The following ACTN4 variants were observed in gnomAD, a reference collection of about 807,000 sequenced individuals.
ACTN4 encodes the protein actinin alpha 4.
A neutral mutation model predicts 114.2 loss-of-function variants in ACTN4; 18 were observed. That is an observed-to-expected ratio of 0.16 (90% CI 0.11 to 0.23). The LOEUF is 0.23. Ranked by LOEUF, ACTN4 falls within the 10% of genes least tolerant of loss-of-function variation. The pLI, the probability that ACTN4 is intolerant of heterozygous loss-of-function variation, is 1.00. For synonymous variants in ACTN4, 515 were observed against 506.3 expected (o/e 1.02, Z -0.23); for missense variants, 722 against 1,262.9 (o/e 0.57, Z 6.49).
Position 38,727,248 on chromosome 19 carries a change from T to G in ACTN4, c.2337+145T>G. The G allele has an allele frequency of 1.5e-6, 2 of 1,303,270 alleles. No homozygotes were observed. The highest frequency in any genetic ancestry group is 1.5e-5 in the African/African-American group (1 of 68,544). The allele number at this position is 1,303,270 out of a possible 1,614,324, so 80.7% of individuals were successfully genotyped here. A position where few individuals can be genotyped will look rare whatever the true frequency, so the allele number is the denominator to read the frequency against. On this transcript the variant is annotated intron_variant, in intron 18 of 20. Coordinates refer to ENST00000252699, the MANE Select transcript of ACTN4 (RefSeq NM_004924.6). This position sits in a 1 kb window ranked among gnomAD's most constrained non-coding sequence, Gnocchi z 5.4. ...CCCAGGGCCAGCAGGGCCCTGCCAC[T>G]GTCAGGGTGTAGGTGTGCGGCACCA...
chr19:38,666,228 C>CG (rs1267456726), intron 1 of ACTN4, among the ~76,000 whole-genome samples: 3 of 151,976 alleles, frequency 2.0e-5, no homozygotes, highest in Non-Finnish European at 2.9e-5. Flanking sequence ...CCCTGTCCCC[C>CG]CCAAAAGCAA....
rs530746941 is a variant in ACTN4, at chr19:38,710,136, G to T, written c.734-121G>T. 89 of 1,001,842 alleles carry T rather than the reference G, an allele frequency of 8.9e-5. 1 individual carries two copies. In the South Asian group the frequency reaches 1.1e-3, roughly 13 times the overall value. 62.1% of individuals were successfully genotyped at this position (1,001,842 alleles called of 1,614,324 possible). On this transcript the variant is annotated intron_variant, in intron 7 of 20. Transcript: ENST00000252699. ...GTGTGGCTGAGCCCACCCAAGTCAC[G>T]CGTCACTCTGCAGGTCCCTCTCCCC...
rs370343728 is a variant in ACTN4 at position 38,723,963 on chromosome 19, C to G, written c.1578C>G (p.Ile526Met). 1 of 1,613,396 alleles carries G rather than the reference C, an allele frequency of 6.2e-7. No individual in the cohort carries two copies. Among genetic ancestry groups the G allele is most frequent in the South Asian group, 1.1e-5 (1 of 91,074 alleles). ...LEKTEKQLEA[I>M]DQLHLEYAKR... The stretch of plus-strand genomic sequence containing the variant: ...AAACAGAGAAGCAGCTGGAGGCCAT[C>G]GACCAGCTGCACCTGGAATACGCCA... The change falls in exon 14 of 21, where the codon ATC becomes ATG. Residue 526 changes from isoleucine to methionine, a missense_variant. Physicochemically the swap from Ile to Met is conservative, Grantham distance 10. Around this residue, in one of 3 missense-constraint regions of ACTN4, gnomAD observed 523 missense variants for 875.9 expected, o/e 0.60. Transcript: ENST00000252699.
chr19:38,702,010 G>A (rs1035770589), intron 3 of ACTN4, among the ~76,000 whole-genome samples: 3 of 152,220 alleles, frequency 2.0e-5, no homozygotes, highest in African/African-American at 7.2e-5. Context: ...AGCCTTGCAT[G>A]CCACAGTCGA....
Position 38,729,297 on chromosome 19 carries a change from G to T in ACTN4, c.2601G>T (p.Leu867=). 1 of 1,612,870 alleles carries T rather than the reference G, an allele frequency of 6.2e-7. No homozygotes were observed. Among genetic ancestry groups the T allele is most frequent in the Non-Finnish European group, 8.5e-7 (1 of 1,179,982 alleles). ...AGAACTTCATCACAGCTGAGGAGCTGCGGAGAGAGCTGCCCCCCGACCAGG... is the reference window on the plus strand; with the variant it reads ...AGAACTTCATCACAGCTGAGGAGCTTCGGAGAGAGCTGCCCCCCGACCAGG... ...GDKNFITAEE[L]RRELPPDQAE... Residue 867 remains leucine, a synonymous_variant, in exon 21 of 21, where the codon CTG becomes CTT. Coordinates refer to ENST00000252699, the MANE Select transcript of ACTN4 (RefSeq NM_004924.6).
intron 1 of ACTN4, among the ~76,000 whole-genome samples, chr19:38,665,027 G>A (rs1412537165): frequency 6.6e-6 from 1 of 152,162 alleles, no homozygotes; most frequent in Non-Finnish European, 1.5e-5. Flanking sequence ...CACCAAGATA[G>A]GAGGCAGCTC....
intron 1 of ACTN4, among the ~76,000 whole-genome samples, chr19:38,656,039 C>T (rs1976702300): frequency 6.6e-6 from 1 of 152,168 alleles, no homozygotes; most frequent in South Asian, 2.1e-4. Flanking sequence ...CCCATGGATA[C>T]AGAGGGCTAG....
intron 1 of ACTN4, among the ~76,000 whole-genome samples, chr19:38,661,567 TGA>T (rs1301270236): frequency 6.6e-6 from 1 of 152,254 alleles, no homozygotes; most frequent in African/African-American, 2.4e-5. Context: ...TGTAAAATGT[TGA>T]GTCTCCTTCT....
At position 38,722,155 on chromosome 19, in the gene ACTN4, G is replaced by A. The variant is rs544514741; in HGVS notation, c.1442+467G>A. Among the ~76,000 whole-genome samples, 346 of 152,224 alleles carry A rather than the reference G, an allele frequency of 2.3e-3. 1 individual carries two copies. The highest frequency in any genetic ancestry group is 8.1e-3 in the African/African-American group (338 of 41,530). On this transcript the variant is annotated intron_variant, in intron 12 of 20. Coordinates refer to ENST00000252699, the MANE Select transcript of ACTN4 (RefSeq NM_004924.6). ...TTATTGTAAGAGCTTCCAGGCAGCCGGGCTCCTTCCCCTCCCCACCCAGTC... is the reference window on the plus strand; with the variant it reads ...TTATTGTAAGAGCTTCCAGGCAGCCAGGCTCCTTCCCCTCCCCACCCAGTC...
At chr19:38,668,910 C>T (rs1167998760) in intron 1 of ACTN4, among the ~76,000 whole-genome samples, 2 of 152,070 alleles carry the variant, frequency 1.3e-5, no homozygotes, top group Admixed American at 1.3e-4. Flanking sequence ...TATAAATCGA[C>T]CTCCAGGAGA....
At chr19:38,691,294 G>A (rs939828499) in intron 1 of ACTN4, among the ~76,000 whole-genome samples, 11 of 151,756 alleles carry the variant, frequency 7.2e-5, no homozygotes, top group Admixed American at 3.3e-4. Context: ...CCAGCTACTC[G>A]GGAGGCTGAG....
At chr19:38,725,681 A>G in intron 16 of ACTN4, 43 bp from the exon 17 acceptor site, 1 of 1,601,858 alleles carries the variant, frequency 6.2e-7, no homozygotes, top group Non-Finnish European at 8.5e-7. Context: ...CAGTGGGGGC[A>G]GGCCCACCAG....
chr19:38,705,109 C>T, intron 4 of ACTN4, 89 bp downstream of exon 4: 1 of 1,265,738 alleles, frequency 7.9e-7, no homozygotes, highest in Non-Finnish European at 1.2e-6. Context: ...CTTCAAGCCT[C>T]TTCCTGTTTC....
chr19:38,683,304 C>A (rs1568700512), intron 1 of ACTN4, among the ~76,000 whole-genome samples: 1 of 152,176 alleles, frequency 6.6e-6, no homozygotes, highest in East Asian at 1.9e-4. Flanking sequence ...AAAGGGTCTG[C>A]CTCCCTCCCA....
intron 1 of ACTN4, among the ~76,000 whole-genome samples, chr19:38,682,357 T>G (rs1017152196): frequency 3.3e-5 from 5 of 152,014 alleles, no homozygotes; most frequent in Non-Finnish European, 5.9e-5. Context: ...TTGTTTGTTT[T>G]TTTTCCAAAT....
chr19:38,687,110 T>G (rs1162890298), intron 1 of ACTN4, among the ~76,000 whole-genome samples: 1 of 151,992 alleles, frequency 6.6e-6, no homozygotes, highest in African/African-American at 2.4e-5. Flanking sequence ...ATTACAGGCG[T>G]GTGCCACCAC....
At chr19:38,679,076 C>T (rs912173497) in intron 1 of ACTN4, among the ~76,000 whole-genome samples, 1 of 152,174 alleles carries the variant, frequency 6.6e-6, no homozygotes, top group African/African-American at 2.4e-5. Context: ...CAGTCTTTCT[C>T]CTGTAGGAAA....
At chr19:38,657,254 T>C (rs1976738970) in intron 1 of ACTN4, among the ~76,000 whole-genome samples, 1 of 152,086 alleles carries the variant, frequency 6.6e-6, no homozygotes, top group African/African-American at 2.4e-5. Context: ...GTGATTCTCC[T>C]GCCTCAGCTT....
At chr19:38,725,698 C>G (rs1254536547) in intron 16 of ACTN4, 26 bp from the exon 17 acceptor site, 4 of 1,610,880 alleles carry the variant, frequency 2.5e-6, no homozygotes, top group Non-Finnish European at 3.4e-6. Context: ...CCAGCCTCAC[C>G]CCACCGCCTG....
Sources: allele counts gnomAD v4.1 joint callset (sites outside exome capture counted in the v4.1 genomes callset), GRCh38; gene constraint gnomAD v4.1.1; regional missense constraint gnomAD v4.1.1; non-coding constraint Gnocchi (gnomAD v3.1); transcripts MANE v1.5; gene names NCBI Gene and HGNC (gene_info 2026-07-23, HGNC 2026-07-21).